The following WDR93 variants were observed in gnomAD, a reference collection of about 807,000 sequenced individuals.
WDR93 encodes the protein WD repeat-containing protein 93.
A neutral mutation model predicts 82.9 loss-of-function variants in WDR93; 73 were observed. That is an observed-to-expected ratio of 0.88 (90% CI 0.73 to 1.07). The LOEUF is 1.07. WDR93 is among the 50% of genes least tolerant of loss of function. The pLI is 0.00. For missense variants in WDR93, 738 were observed against 826.0 expected (o/e 0.89, Z 1.31); for synonymous variants, 283 against 300.1 (o/e 0.94, Z 0.59).
chr15:89,712,921 T>A (rs1034569709), intron 5 of WDR93, among the ~76,000 whole-genome samples: 6 of 151,986 alleles, frequency 3.9e-5, no homozygotes, highest in African/African-American at 1.4e-4. Context: ...GGTCAGGAGT[T>A]CAAGACCAGC....
intron 9 of WDR93, among the ~76,000 whole-genome samples, chr15:89,728,021 C>A (rs908979968): frequency 2.0e-5 from 3 of 152,012 alleles, no homozygotes; most frequent in African/African-American, 7.3e-5. Flanking sequence ...ATGGAGGCTG[C>A]AGTGAGGCGA....
At chr15:89,729,577 T>C in intron 10 of WDR93, 106 bp from the exon 11 acceptor site, 1 of 845,050 alleles carries the variant, frequency 1.2e-6, no homozygotes, top group East Asian at 2.6e-5. Flanking sequence ...ACTTCAGACT[T>C]CAAACCAGCT....
chr15:89,734,637 A>C (rs889928227), intron 13 of WDR93, among the ~76,000 whole-genome samples: 3 of 152,100 alleles, frequency 2.0e-5, no homozygotes, highest in Non-Finnish European at 4.4e-5. Flanking sequence ...ACTGCTTTTC[A>C]ATCTACCACA....
At chr15:89,743,246 G>C (rs1967816710) in intron 16 of WDR93, 46 bp from the exon 17 acceptor site, 7 of 1,601,964 alleles carry the variant, frequency 4.4e-6, no homozygotes, top group Non-Finnish European at 6.0e-6. Flanking sequence ...TCGGGAGCTG[G>C]GGAAGTGAGA....
intron 1 of WDR93, among the ~76,000 whole-genome samples, chr15:89,695,697 G>A (rs996721694): frequency 7.3e-5 from 11 of 151,356 alleles, no homozygotes; most frequent in African/African-American, 2.7e-4. Flanking sequence ...AAATGTTTTT[G>A]TAGATTTCCT....
rs759472544 is a variant in WDR93 at position 89,714,961 on chromosome 15, C to T, written c.641-19C>T. The T allele has an allele frequency of 2.5e-6, 4 of 1,603,250 alleles. No homozygotes were observed. Among genetic ancestry groups the T allele is most frequent in the Admixed American group, 3.4e-5 (2 of 59,404 alleles). On this transcript the variant is annotated intron_variant, in intron 5 of 16. Coordinates refer to ENST00000268130, the MANE Select transcript of WDR93 (RefSeq NM_020212.2). ...GCTCTCTTACAGTTGCTCAATGGTT[C>T]TCTGGTTTCCCAATGCAGGAGCCGG...
At chr15:89,697,934 C>T (rs1490012033) in intron 1 of WDR93, among the ~76,000 whole-genome samples, 5 of 146,996 alleles carry the variant, frequency 3.4e-5, no homozygotes, top group African/African-American at 2.5e-5. Context: ...GGCTGGAGTG[C>T]AGTGGTGCAA....
intron 4 of WDR93, among the ~76,000 whole-genome samples, chr15:89,708,140 G>A (rs1181088150): frequency 6.6e-6 from 1 of 152,198 alleles, no homozygotes; most frequent in Non-Finnish European, 1.5e-5. Context: ...CACAACACAG[G>A]CAGGAGGAAA....
chr15:89,723,008 C>T (rs1045023833), intron 8 of WDR93, among the ~76,000 whole-genome samples: 1 of 151,568 alleles, frequency 6.6e-6, no homozygotes, highest in African/African-American at 2.4e-5. Flanking sequence ...AGTTCAAGAC[C>T]AGCTTGGGGA....
chr15:89,743,348 A>G lies in WDR93; in HGVS notation c.2018A>G (p.Gln673Arg). The change falls in exon 17 of 17, where the codon CAG (glutamine) becomes CGG (arginine). Residue 673 changes from glutamine (Q) to arginine (R), a missense_variant. Gln to Arg is a conservative substitution (Grantham distance 43, BLOSUM62 1). Transcript: ENST00000268130. Reference sequence around the variant, plus strand: ...GAGGAGGAGCACTGGGCCCGGCTTCAGAGGTACTCCTTGTCGCTCCAGAGA... The same window carrying G: ...GAGGAGGAGCACTGGGCCCGGCTTCGGAGGTACTCCTTGTCGCTCCAGAGA... ...EKEEEHWARL[Q>R]RYSLSLQREN... The G allele has an allele frequency of 1.9e-6, 3 of 1,614,196 alleles. No individual in the cohort carries two copies. The highest frequency in any genetic ancestry group is 2.5e-6 in the Non-Finnish European group (3 of 1,180,032).
chr15:89,707,697 G>A (rs1160279020), intron 4 of WDR93, among the ~76,000 whole-genome samples: 1 of 152,226 alleles, frequency 6.6e-6, no homozygotes, highest in African/African-American at 2.4e-5. Flanking sequence ...CCTATGCACT[G>A]CTGGTGGTAA....
intron 1 of WDR93, among the ~76,000 whole-genome samples, chr15:89,698,632 C>A (rs546061292): frequency 3.3e-5 from 5 of 152,186 alleles, no homozygotes; most frequent in African/African-American, 1.2e-4. Context: ...GCATCTTTAA[C>A]CTAGCATAGC....
intron 7 of WDR93, among the ~76,000 whole-genome samples, chr15:89,718,033 CT>C (rs1966338401): frequency 1.3e-5 from 2 of 152,092 alleles, no homozygotes; most frequent in Non-Finnish European, 2.9e-5. Flanking sequence ...AGAGCCCCTT[CT>C]TTTTTCCCTT....
intron 11 of WDR93, among the ~76,000 whole-genome samples, chr15:89,730,061 A>G (rs1158468126): frequency 6.6e-6 from 1 of 152,228 alleles, no homozygotes; most frequent in African/African-American, 2.4e-5. Flanking sequence ...GCAATGGCTC[A>G]CGCCTATAAT....
chr15:89,729,755 TA>T lies in WDR93; in HGVS notation c.1199del (p.Lys400ArgfsTer65), dbSNP rs1966843588. On this transcript the variant is annotated frameshift_variant, in exon 11 of 17. Coordinates refer to ENST00000268130, the MANE Select transcript of WDR93 (RefSeq NM_020212.2). LOFTEE classifies it high-confidence loss of function. ...NFFLYSLNRTLKDKADPEGVW... is the reference protein window; with the variant it reads ...NFFLYSLNRTXKDKADPEGVW... ...TTCCTGTATTCACTAAACCGAACTC[TA>T]AAGGATAAAGCTGGTACTTTACTGC... 1 of 1,613,444 alleles carries T rather than the reference TA, an allele frequency of 6.2e-7. No homozygotes were observed. The highest frequency in any genetic ancestry group is 8.5e-7 in the Non-Finnish European group (1 of 1,179,728).
chr15:89,706,257 C>A (rs1411348854), intron 4 of WDR93, among the ~76,000 whole-genome samples: 1 of 151,988 alleles, frequency 6.6e-6, no homozygotes, highest in Non-Finnish European at 1.5e-5. Context: ...ACTGTAAGTT[C>A]TCAGAAAGTA....
chr15:89,714,875 G>A lies in WDR93; in HGVS notation c.641-105G>A, dbSNP rs998767461. Reference sequence around the variant, plus strand: ...GTCAAAGTTGCCTGGTATGGAGGTGGCTGGTCTCTTTGCCAGCAGTTCTAA... The same window carrying A: ...GTCAAAGTTGCCTGGTATGGAGGTGACTGGTCTCTTTGCCAGCAGTTCTAA... On this transcript the variant is annotated intron_variant, in intron 5 of 16. Transcript: ENST00000268130. The A allele has an allele frequency of 1.1e-5, 10 of 882,380 alleles. No individual in the cohort carries two copies. In the African/African-American group the frequency reaches 1.5e-4, roughly 13 times the overall value. The allele number at this position is 882,380 out of a possible 1,614,324, so 54.7% of individuals were successfully genotyped here. A position where few individuals can be genotyped will look rare whatever the true frequency, so the allele number is the denominator to read the frequency against.
chr15:89,725,846 G>A (rs975195640), intron 8 of WDR93, among the ~76,000 whole-genome samples: 3 of 152,174 alleles, frequency 2.0e-5, no homozygotes, highest in Non-Finnish European at 4.4e-5. Flanking sequence ...ATAGGCATGA[G>A]CTACCGCACC....
chr15:89,706,332 T>A (rs1965726577), intron 4 of WDR93, among the ~76,000 whole-genome samples: 1 of 150,762 alleles, frequency 6.6e-6, no homozygotes, highest in Non-Finnish European at 1.5e-5. Flanking sequence ...TTTTTTTTTC[T>A]TAAATAGAGA....
Sources: gnomAD v4.1 joint callset for allele counts (sites outside exome capture counted in the v4.1 genomes callset) on GRCh38, gnomAD v4.1.1 for gene constraint, MANE v1.5 for transcripts, NCBI Gene and HGNC (gene_info 2026-07-23, HGNC 2026-07-21) for gene names.